The following CPEB1 variants were observed in gnomAD, a reference collection of about 807,000 sequenced individuals.
CPEB1 encodes cytoplasmic polyadenylation element binding protein 1.
Under a neutral mutation model 65.8 loss-of-function variants are expected in CPEB1, and 7 were observed. That is an observed-to-expected ratio of 0.11 (90% CI 0.06 to 0.20). CPEB1 has a LOEUF of 0.20. CPEB1 is among the 10% of genes least tolerant of loss of function. CPEB1 has a pLI of 1.00. For synonymous variants in CPEB1, 262 were observed against 260.0 expected (o/e 1.01, Z -0.08); for missense variants, 551 against 712.2 (o/e 0.77, Z 2.58).
At chr15:82,545,540 T>C (rs764994635) in intron 12 of CPEB1, among the ~76,000 whole-genome samples, 1 of 152,158 alleles carries the variant, frequency 6.6e-6, no homozygotes, top group Non-Finnish European at 1.5e-5. Context: ...GTTGGACACA[T>C]GGAATCTCAG....
chr15:82,599,803 C>G (rs1022765188), intron 3 of CPEB1, among the ~76,000 whole-genome samples: 7 of 152,116 alleles, frequency 4.6e-5, no homozygotes, highest in African/African-American at 9.7e-5. Flanking sequence ...CTGCTGTGAT[C>G]TCTAAAATTT....
intron 1 of CPEB1, among the ~76,000 whole-genome samples, chr15:82,633,497 C>T (rs112219333): frequency 0.19 from 29,278 of 152,192 alleles, 3,492 homozygotes; most frequent in South Asian, 0.4. Flanking sequence ...CTCAGCCTCC[C>T]GAGTAGCTGG....
In CPEB1 at chr15:82,555,987, T is replaced by C. The variant is rs1268935356; in HGVS notation, c.823A>G (p.Thr275Ala). The C allele has an allele frequency of 2.5e-6, 4 of 1,613,534 alleles. No individual in the cohort carries two copies. Among genetic ancestry groups the C allele is most frequent in the African/African-American group, 2.7e-5 (2 of 74,828 alleles). ...CCTGGCCATCTCTTTGAAGCACTGG[T>C]TGGGGAGGGAGTGACTGCAGCAAGA... ...AALAAVTPSP[T>A]SASKRWPGAS... The change falls in exon 6 of 13, where the codon ACC (threonine) becomes GCC (alanine). Residue 275 changes from threonine to alanine, a missense_variant. Physicochemically the swap from Thr to Ala is moderately conservative, Grantham distance 58 (BLOSUM62 0). Coordinates refer to ENST00000684509, the MANE Select transcript of CPEB1 (RefSeq NM_001365242.1).
At chr15:82,610,705 C>T (rs1043193637) in intron 3 of CPEB1, among the ~76,000 whole-genome samples, 3 of 151,830 alleles carry the variant, frequency 2.0e-5, no homozygotes, top group African/African-American at 7.3e-5. Context: ...CGCCTGTAAT[C>T]CCAGCACTTT....
chr15:82,639,199 C>G (rs980525669), intron 1 of CPEB1, among the ~76,000 whole-genome samples: 6 of 152,170 alleles, frequency 3.9e-5, no homozygotes, highest in African/African-American at 7.2e-5. Context: ...CAAGTTAAGT[C>G]CCTCCTGGTC....
intron 11 of CPEB1, among the ~76,000 whole-genome samples, chr15:82,546,853 G>A (rs1238108318): frequency 6.6e-6 from 1 of 152,106 alleles, no homozygotes; most frequent in Non-Finnish European, 1.5e-5. Flanking sequence ...ATTCCCAAAA[G>A]GTTGGAAAAT....
intron 1 of CPEB1, chr15:82,633,238 AT>A (rs1378091496): frequency 6.6e-6 from 1 of 152,260 alleles, no homozygotes; most frequent in Non-Finnish European, 1.5e-5. Context: ...AACAAAAACA[AT>A]TCTTTAATTA....
At position 82,573,157 on chromosome 15, in the gene CPEB1, T is replaced by A. The variant is rs570058218; in HGVS notation, c.272-1625A>T. The A allele has an allele frequency of 2.0e-6, 3 of 1,534,944 alleles. No homozygotes were observed. The East Asian group carries it at 7.3e-5, about 38-fold the overall frequency. ...GCCACAGAAATAGCTGTTCAGAACTTCCTGCAGTACACCCTGTGTCCACAG... is the reference window on the plus strand; with the variant it reads ...GCCACAGAAATAGCTGTTCAGAACTACCTGCAGTACACCCTGTGTCCACAG... On this transcript the variant is annotated intron_variant, in intron 3 of 12. Transcript: ENST00000684509.
At chr15:82,573,267 T>A in intron 3 of CPEB1, 2 of 1,050,716 alleles carry the variant, frequency 1.9e-6, no homozygotes, top group Non-Finnish European at 2.7e-6. Context: ...TGCTGCTGTG[T>A]CATCCATCCA....
rs2034774098 is a variant in CPEB1 at position 82,544,271 on chromosome 15, A to AC, written c.*320_*321insG. On this transcript the variant is annotated 3_prime_UTR_variant, in exon 13 of 13. Transcript: ENST00000684509. The stretch of plus-strand genomic sequence containing the variant: ...ATACCTCAATACCTTCTGGACACGT[A>AC]GTTTTTTTTTTTTTTTTTTTTTTCC... 1 of 223,348 alleles carries AC rather than the reference A, an allele frequency of 4.5e-6. No individual in the cohort carries two copies. The highest frequency in any genetic ancestry group is 8.0e-6 in the Non-Finnish European group (1 of 124,648). 13.8% of individuals were successfully genotyped at this position (223,348 alleles called of 1,614,324 possible).
intron 4 of CPEB1, among the ~76,000 whole-genome samples, chr15:82,569,586 T>C (rs1273318467): frequency 6.6e-6 from 1 of 152,240 alleles, no homozygotes; most frequent in Non-Finnish European, 1.5e-5. Context: ...GTGGAGAAGC[T>C]GTGGATATTA....
At chr15:82,559,402 A>G (rs1003557512) in intron 4 of CPEB1, among the ~76,000 whole-genome samples, 1 of 152,174 alleles carries the variant, frequency 6.6e-6, no homozygotes, top group Non-Finnish European at 1.5e-5. Context: ...TCTAGTTATT[A>G]TTTTGTAGTA....
intron 7 of CPEB1, 146 bp downstream of exon 7, chr15:82,553,732 T>C (rs1361317955): frequency 2.7e-6 from 2 of 751,110 alleles, no homozygotes; most frequent in African/African-American, 1.8e-5. Flanking sequence ...TGGGGGTCTA[T>C]GAAATGCACC....
At chr15:82,581,751 TCCC>T (rs776325608) in intron 3 of CPEB1, among the ~76,000 whole-genome samples, 30 of 152,330 alleles carry the variant, frequency 2.0e-4, no homozygotes, top group Non-Finnish European at 4.4e-4. Context: ...TTTAAAAATC[TCCC>T]CGACACCAGG....
intron 4 of CPEB1, among the ~76,000 whole-genome samples, chr15:82,559,620 A>T (rs1239372618): frequency 6.6e-6 from 1 of 152,216 alleles, no homozygotes; most frequent in Non-Finnish European, 1.5e-5. Flanking sequence ...GCCACAGCAC[A>T]TCCAGCAAGG....
At chr15:82,611,892 A>C (rs1424641698) in intron 3 of CPEB1, among the ~76,000 whole-genome samples, 2 of 151,938 alleles carry the variant, frequency 1.3e-5, no homozygotes, top group Non-Finnish European at 2.9e-5. Flanking sequence ...TATTTTAAAA[A>C]AAAGATTAGT....
At chr15:82,547,451 C>T (rs2035457236) in intron 10 of CPEB1, among the ~76,000 whole-genome samples, 1 of 151,784 alleles carries the variant, frequency 6.6e-6, no homozygotes, top group African/African-American at 2.4e-5. Flanking sequence ...CATCTGCCAC[C>T]ACACCCAGCT....
chr15:82,554,312 T>C (rs1221327865), intron 6 of CPEB1, among the ~76,000 whole-genome samples: 1 of 152,248 alleles, frequency 6.6e-6, no homozygotes, highest in African/African-American at 2.4e-5. Flanking sequence ...AGCAGTTTTA[T>C]CCTGTTATTG....
At chr15:82,556,917 C>T (rs1312728718) in intron 5 of CPEB1, among the ~76,000 whole-genome samples, 2 of 152,178 alleles carry the variant, frequency 1.3e-5, no homozygotes, top group Non-Finnish European at 2.9e-5. Flanking sequence ...CCAAAGTTGC[C>T]AGTCCTGGGT....
Sources: allele counts gnomAD v4.1 joint callset (sites outside exome capture counted in the v4.1 genomes callset), GRCh38; gene constraint gnomAD v4.1.1; transcripts MANE v1.5; gene names NCBI Gene and HGNC (gene_info 2026-07-23, HGNC 2026-07-21).